The following NCKAP5 variants were observed in gnomAD, a reference collection of about 807,000 sequenced individuals.
NCKAP5 encodes nck-associated protein 5.
A neutral mutation model predicts 167.0 loss-of-function variants in NCKAP5; 92 were observed. The observed-to-expected ratio is 0.55, with a 90% CI of 0.47 to 0.66. The LOEUF (loss-of-function observed/expected upper bound fraction) is 0.66, where lower values mean the gene tolerates loss of function less well. NCKAP5 is among the 30% of genes least tolerant of loss of function. The pLI is 0.00. For missense variants in NCKAP5, 2,378 were observed against 2,315.0 expected (o/e 1.03, Z -0.56); for synonymous variants, 891 against 877.4 (o/e 1.02, Z -0.27).
chr2:133,172,426 T>A (rs1239013557), intron 5 of NCKAP5, among the ~76,000 whole-genome samples: 1 of 152,228 alleles, frequency 6.6e-6, no homozygotes, highest in Non-Finnish European at 1.5e-5. Context: ...ATCTTGCCAC[T>A]TGCTGGAGGC....
intron 3 of NCKAP5, among the ~76,000 whole-genome samples, chr2:133,490,445 T>C (rs976828622): frequency 3.7e-4 from 56 of 152,282 alleles, no homozygotes; most frequent in African/African-American, 1.2e-3. Flanking sequence ...ACCTGCCCTG[T>C]GGTAACAATG....
intron 3 of NCKAP5, among the ~76,000 whole-genome samples, chr2:133,398,455 C>T (rs1687895813): frequency 6.6e-6 from 1 of 152,060 alleles, no homozygotes; most frequent in Admixed American, 6.6e-5. Context: ...TAGAGTGGTG[C>T]ATTTTAATAC....
intron 3 of NCKAP5, among the ~76,000 whole-genome samples, chr2:133,365,903 A>G (rs1482077141): frequency 6.6e-6 from 1 of 152,258 alleles, no homozygotes; most frequent in Non-Finnish European, 1.5e-5. Context: ...TAATTAAAGC[A>G]GCCATGGTGT....
At chr2:133,447,784 C>T (rs1428471110) in intron 3 of NCKAP5, among the ~76,000 whole-genome samples, 1 of 152,128 alleles carries the variant, frequency 6.6e-6, no homozygotes, top group Non-Finnish European at 1.5e-5. Flanking sequence ...CTGTGCCCAG[C>T]CTCTTTCTTT....
At chr2:133,432,044 A>C (rs1247324873) in intron 3 of NCKAP5, among the ~76,000 whole-genome samples, 2 of 152,186 alleles carry the variant, frequency 1.3e-5, no homozygotes, top group African/African-American at 4.8e-5. Context: ...CATGGAATTG[A>C]TCATTATATC....
intron 16 of NCKAP5, among the ~76,000 whole-genome samples, chr2:132,761,462 T>C (rs1275679314): frequency 6.6e-6 from 1 of 152,254 alleles, no homozygotes; most frequent in African/African-American, 2.4e-5. Flanking sequence ...GGGCATTCTC[T>C]TGCTCCTATG....
the NCKAP5 span, among the ~76,000 whole-genome samples, chr2:133,661,757 C>T: frequency 6.6e-6 from 1 of 152,150 alleles, no homozygotes; most frequent in Non-Finnish European, 1.5e-5. Context: ...AAGCCCTTTC[C>T]CCTGACCATG....
chr2:133,172,874 A>G (rs1253261172), intron 5 of NCKAP5, among the ~76,000 whole-genome samples: 1 of 151,614 alleles, frequency 6.6e-6, no homozygotes, highest in Non-Finnish European at 1.5e-5. Flanking sequence ...GTCTCGAGAG[A>G]TGGGGTTTCA....
chr2:132,962,892 C>T (rs2076559816), intron 8 of NCKAP5, among the ~76,000 whole-genome samples: 1 of 152,136 alleles, frequency 6.6e-6, no homozygotes, highest in Non-Finnish European at 1.5e-5. Context: ...TGCCCAGCCT[C>T]CAGCTCTTCT....
At chr2:133,321,546 A>G (rs912699122) in intron 3 of NCKAP5, among the ~76,000 whole-genome samples, 9 of 152,206 alleles carry the variant, frequency 5.9e-5, no homozygotes, top group African/African-American at 2.2e-4. Flanking sequence ...TTAGGACAAA[A>G]AGGAACCCAA....
chr2:132,796,397 C>A (rs756362653), intron 12 of NCKAP5, among the ~76,000 whole-genome samples: 11 of 152,132 alleles, frequency 7.2e-5, no homozygotes, highest in Admixed American at 2.0e-4. Context: ...AAAAAGGTAT[C>A]TTGGGGACAA....
intron 19 of NCKAP5, among the ~76,000 whole-genome samples, chr2:132,712,801 G>C (rs1688992282): frequency 6.6e-6 from 1 of 152,202 alleles, no homozygotes; most frequent in Non-Finnish European, 1.5e-5. Context: ...CTGGTGTTAA[G>C]GGATAAGCAG....
At chr2:133,081,530 C>A (rs568037935) in intron 6 of NCKAP5, among the ~76,000 whole-genome samples, 1 of 152,132 alleles carries the variant, frequency 6.6e-6, no homozygotes, top group African/African-American at 2.4e-5. Flanking sequence ...AAATTCATGT[C>A]TTTATTTTTT....
intron 6 of NCKAP5, among the ~76,000 whole-genome samples, chr2:133,046,618 A>G (rs1189649159): frequency 1.3e-5 from 2 of 151,958 alleles, no homozygotes; most frequent in Admixed American, 6.6e-5. Flanking sequence ...GGCTCATGCA[A>G]TTCTCTCACC....
At chr2:133,204,766 G>A (rs1287362823) in intron 5 of NCKAP5, among the ~76,000 whole-genome samples, 1 of 152,146 alleles carries the variant, frequency 6.6e-6, no homozygotes, top group East Asian at 1.9e-4. Context: ...CTTGCCTACT[G>A]ATGTTTTCAG....
At chr2:132,920,197 G>A (rs976832003) in intron 8 of NCKAP5, among the ~76,000 whole-genome samples, 3 of 151,904 alleles carry the variant, frequency 2.0e-5, no homozygotes, top group East Asian at 1.9e-4. Context: ...TTTGTGTGAT[G>A]TATCTATGCC....
chr2:132,947,095 C>T (rs112431823), intron 8 of NCKAP5, among the ~76,000 whole-genome samples: 2 of 152,222 alleles, frequency 1.3e-5, no homozygotes, highest in African/African-American at 4.8e-5. Flanking sequence ...TCTTATTTGT[C>T]ATATGCTCAA....
chr2:133,401,451 C>T (rs1175454172), intron 3 of NCKAP5, among the ~76,000 whole-genome samples: 1 of 152,100 alleles, frequency 6.6e-6, no homozygotes, highest in African/African-American at 2.4e-5. Context: ...GTGTGGGAGG[C>T]CCAGAACTTG....
chr2:133,381,691 G>A (rs1686534473), intron 3 of NCKAP5, among the ~76,000 whole-genome samples: 1 of 152,142 alleles, frequency 6.6e-6, no homozygotes, highest in Admixed American at 6.6e-5. Flanking sequence ...AACCCAAGTG[G>A]GAATCAATGC....
Sources: allele counts gnomAD v4.1 joint callset (sites outside exome capture counted in the v4.1 genomes callset), GRCh38; gene constraint gnomAD v4.1.1; transcripts MANE v1.5; gene names NCBI Gene and HGNC (gene_info 2026-07-23, HGNC 2026-07-21).